Variants in PDE1A observed in about 807,000 individuals in gnomAD.
PDE1A encodes phosphodiesterase 1A.
PDE1A carries 35 observed loss-of-function variants against 61.7 expected under a neutral mutation model. The observed-to-expected ratio is 0.57, with a 90% CI of 0.43 to 0.75. The LOEUF (loss-of-function observed/expected upper bound fraction) is 0.75, where lower values mean the gene tolerates loss of function less well. Among genes scored for constraint, PDE1A ranks in the 30% least tolerant of loss-of-function variants. The pLI, the probability that PDE1A is intolerant of heterozygous loss-of-function variation, is 0.00. For synonymous variants in PDE1A, 232 were observed against 213.2 expected, an observed-to-expected ratio of 1.09 and a Z score of -0.77; for missense variants, 597 against 630.6, an observed-to-expected ratio of 0.95 and a Z score of 0.57.
chr2:182,438,476 T>C (rs1486930821), intron 2 of PDE1A, among the ~76,000 whole-genome samples: 2 of 151,770 alleles, frequency 1.3e-5, no homozygotes, highest in Non-Finnish European at 2.9e-5. Context: ...AGTGCATTCA[T>C]AAAATAAAAG....
intron 1 of PDE1A, among the ~76,000 whole-genome samples, chr2:182,292,325 C>A (rs527462052): frequency 1.3e-5 from 2 of 151,782 alleles, no homozygotes; most frequent in African/African-American, 4.8e-5. Flanking sequence ...TTCTGAGAAC[C>A]CAGTGTCTAT....
chr2:182,364,189 T>G (rs1282120270), intron 1 of PDE1A, among the ~76,000 whole-genome samples: 1 of 151,764 alleles, frequency 6.6e-6, no homozygotes, highest in Non-Finnish European at 1.5e-5. Flanking sequence ...GTAACTCTGG[T>G]CTTTACAACC....
chr2:182,167,193 C>T (rs1464193737), downstream of PDE1A, among the ~76,000 whole-genome samples: 1 of 152,072 alleles, frequency 6.6e-6, no homozygotes, highest in Non-Finnish European at 1.5e-5. Context: ...TAAGAAAAAC[C>T]ACATTCTTGG....
At chr2:182,355,515 T>C (rs564816519) in intron 1 of PDE1A, among the ~76,000 whole-genome samples, 2 of 152,048 alleles carry the variant, frequency 1.3e-5, no homozygotes, top group Non-Finnish European at 2.9e-5. Flanking sequence ...AGATAATACT[T>C]CAATCTTATT....
At chr2:182,398,651 G>A (rs1701835440) in intron 1 of PDE1A, among the ~76,000 whole-genome samples, 1 of 151,942 alleles carries the variant, frequency 6.6e-6, no homozygotes, top group Non-Finnish European at 1.5e-5. Context: ...GAGGTGCTTG[G>A]ATCAGTACTG....
the PDE1A span, among the ~76,000 whole-genome samples, chr2:182,603,588 G>A: frequency 6.6e-6 from 1 of 152,224 alleles, no homozygotes; most frequent in Non-Finnish European, 1.5e-5. Flanking sequence ...GACCTCAGGT[G>A]ATCCGCCCAC....
chr2:182,335,196 G>A (rs1159160063), intron 1 of PDE1A, among the ~76,000 whole-genome samples: 1 of 152,110 alleles, frequency 6.6e-6, no homozygotes, highest in Non-Finnish European at 1.5e-5. Context: ...ACTGCCCTAG[G>A]TAATTTATAA....
At chr2:182,333,194 A>AT (rs1011358599) in intron 1 of PDE1A, among the ~76,000 whole-genome samples, 29 of 152,202 alleles carry the variant, frequency 1.9e-4, no homozygotes, top group Admixed American at 1.3e-3. Flanking sequence ...TAACAAGGAC[A>AT]TTCGGGACTT....
chr2:182,265,316 AC>A (rs1181735087), intron 1 of PDE1A, among the ~76,000 whole-genome samples: 3 of 152,166 alleles, frequency 2.0e-5, no homozygotes, highest in Non-Finnish European at 4.4e-5. Context: ...AAACAAAAAA[AC>A]AAAGAGTGCT....
chr2:182,369,667 T>C (rs1281577922), intron 1 of PDE1A, among the ~76,000 whole-genome samples: 1 of 150,252 alleles, frequency 6.7e-6, no homozygotes, highest in Non-Finnish European at 1.5e-5. Context: ...AAAAAGAGAC[T>C]CAGAAAAAAA....
At chr2:182,315,492 A>G (rs1696279931) in intron 1 of PDE1A, among the ~76,000 whole-genome samples, 1 of 152,224 alleles carries the variant, frequency 6.6e-6, no homozygotes, top group Non-Finnish European at 1.5e-5. Context: ...CTGATTATCC[A>G]TTCAAGGAAG....
chr2:182,592,111 C>T, the PDE1A span, among the ~76,000 whole-genome samples: 2 of 152,158 alleles, frequency 1.3e-5, no homozygotes, highest in African/African-American at 2.4e-5. Context: ...TCTCTAATTT[C>T]GATGCCAGCT....
At chr2:182,251,100 T>C (rs1393947142) in intron 2 of PDE1A, among the ~76,000 whole-genome samples, 1 of 152,160 alleles carries the variant, frequency 6.6e-6, no homozygotes, top group African/African-American at 2.4e-5. Flanking sequence ...TTGAAAATAT[T>C]CCATTAGGCA....
chr2:182,246,595 G>T (rs566540251), intron 2 of PDE1A, among the ~76,000 whole-genome samples: 1 of 151,538 alleles, frequency 6.6e-6, no homozygotes, highest in South Asian at 2.1e-4. Flanking sequence ...TAGAGACAGG[G>T]TTGGGTTTCG....
At chr2:182,387,323 T>C (rs547947307) in intron 1 of PDE1A, among the ~76,000 whole-genome samples, 1 of 152,120 alleles carries the variant, frequency 6.6e-6, no homozygotes, top group East Asian at 1.9e-4. Context: ...CAGAGACCTT[T>C]GTTCACTTGT....
intron 2 of PDE1A, among the ~76,000 whole-genome samples, chr2:182,496,033 A>G (rs1428408195): frequency 6.6e-6 from 1 of 152,226 alleles, no homozygotes; most frequent in Non-Finnish European, 1.5e-5. Flanking sequence ...ACCATAAAGA[A>G]AAACACATAT....
Position 182,362,899 on chromosome 2 carries a change from G to A in PDE1A, c.53+63679C>T, listed in dbSNP as rs543414142. Among the ~76,000 whole-genome samples, 20 of 152,122 alleles carry A rather than the reference G, an allele frequency of 1.3e-4. No individual in the cohort carries two copies. The South Asian group carries it at 1.4e-3, about 11-fold the overall frequency. ...ACTATGCAGCCATAAAAAGGAATGCGATCACGTTCTTTGCAGGAACATGGA... is the reference window on the plus strand; with the variant it reads ...ACTATGCAGCCATAAAAAGGAATGCAATCACGTTCTTTGCAGGAACATGGA... On this transcript the variant is annotated intron_variant, in intron 1 of 13. Coordinates refer to ENST00000351439, the Ensembl canonical transcript of PDE1A.
At chr2:182,648,530 A>T in the PDE1A span, among the ~76,000 whole-genome samples, 2 of 149,346 alleles carry the variant, frequency 1.3e-5, no homozygotes, top group East Asian at 3.9e-4. Context: ...AAAAAAAAAA[A>T]AAAATTAAAA....
the PDE1A span, among the ~76,000 whole-genome samples, chr2:182,581,808 G>A: frequency 0.76 from 115,750 of 152,080 alleles, 44,363 homozygotes; most frequent in East Asian, 0.95. Flanking sequence ...ACCAGAACGT[G>A]AGCTGATCTC....
Sources: gnomAD v4.1 joint callset for allele counts (sites outside exome capture counted in the v4.1 genomes callset) on GRCh38, gnomAD v4.1.1 for gene constraint, MANE v1.5 for transcripts, NCBI Gene and HGNC (gene_info 2026-07-23, HGNC 2026-07-21) for gene names.